SOX5: variants seen among roughly 807,000 people sequenced by gnomAD.
SOX5 encodes the protein SRY-box transcription factor 5, also known as transcription factor SOX-5.
Under a neutral mutation model 92.0 loss-of-function variants are expected in SOX5, and 9 were observed. That is an observed-to-expected ratio of 0.10 (90% CI 0.06 to 0.17). SOX5 has a LOEUF of 0.17. SOX5 is among the 10% of genes least tolerant of loss of function. The pLI, the probability that SOX5 is intolerant of heterozygous loss-of-function variation, is 1.00. For synonymous variants in SOX5, 344 were observed against 336.3 expected, an observed-to-expected ratio of 1.02 and a Z score of -0.25; for missense variants, 642 against 944.5, an observed-to-expected ratio of 0.68 and a Z score of 4.20.
intron 4 of SOX5, among the ~76,000 whole-genome samples, chr12:24,067,000 C>T (rs1940859123): frequency 6.6e-6 from 1 of 152,136 alleles, no homozygotes; most frequent in South Asian, 2.1e-4. Flanking sequence ...CCTTTCAATC[C>T]TCTGTTCCAA....
chr12:23,936,194 A>G (rs927916919), intron 1 of SOX5, among the ~76,000 whole-genome samples: 2 of 150,986 alleles, frequency 1.3e-5, no homozygotes, highest in African/African-American at 4.8e-5. Context: ...TTGTGGGTCA[A>G]TTTAAGAAAC....
chr12:23,717,527 C>T (rs910074100), intron 6 of SOX5, among the ~76,000 whole-genome samples: 2 of 152,158 alleles, frequency 1.3e-5, no homozygotes, highest in Non-Finnish European at 2.9e-5. Context: ...TTCTCACCAT[C>T]ATGTTTATTA....
At chr12:23,700,796 GAAC>G (rs980381665) in intron 6 of SOX5, among the ~76,000 whole-genome samples, 2 of 152,040 alleles carry the variant, frequency 1.3e-5, no homozygotes, top group African/African-American at 4.8e-5. Flanking sequence ...AGAAGACAGA[GAAC>G]AGCCCAAATG....
At chr12:24,264,232 T>C (rs1168954277) in intron 3 of SOX5, among the ~76,000 whole-genome samples, 1 of 152,224 alleles carries the variant, frequency 6.6e-6, no homozygotes, top group Non-Finnish European at 1.5e-5. Flanking sequence ...GATAGATATC[T>C]TGGTATTTGC....
At chr12:24,131,733 A>C (rs1949664565) in intron 4 of SOX5, among the ~76,000 whole-genome samples, 1 of 152,228 alleles carries the variant, frequency 6.6e-6, no homozygotes, top group Admixed American at 6.5e-5. Flanking sequence ...AATGGCACAC[A>C]GAATAAATTC....
intron 4 of SOX5, among the ~76,000 whole-genome samples, chr12:24,123,759 C>T (rs1948844089): frequency 6.6e-6 from 1 of 152,158 alleles, no homozygotes; most frequent in African/African-American, 2.4e-5. Context: ...TATTCCAAAA[C>T]AGAGAAACAG....
intron 3 of SOX5, among the ~76,000 whole-genome samples, chr12:23,785,777 G>C (rs1438302711): frequency 6.6e-6 from 1 of 152,108 alleles, no homozygotes; most frequent in African/African-American, 2.4e-5. Context: ...CATTGGGGAT[G>C]CTTCTTGATG....
At chr12:23,856,560 T>C (rs1358211352) in intron 2 of SOX5, among the ~76,000 whole-genome samples, 6 of 152,106 alleles carry the variant, frequency 3.9e-5, no homozygotes, top group Non-Finnish European at 5.9e-5. Context: ...AAATGGTAAA[T>C]TGGAGAATTA....
At chr12:23,601,501 C>T (rs146975306) in intron 9 of SOX5, among the ~76,000 whole-genome samples, 2 of 151,946 alleles carry the variant, frequency 1.3e-5, no homozygotes, top group South Asian at 2.1e-4. Context: ...AACACAAAAC[C>T]CTTTAATAAA....
chr12:23,837,949 A>G (rs1267467523), intron 3 of SOX5, among the ~76,000 whole-genome samples: 1 of 121,356 alleles, frequency 8.2e-6, no homozygotes, highest in Non-Finnish European at 1.6e-5. Context: ...ATTTATATTT[A>G]TATAGTATAT....
chr12:23,727,463 A>G (rs901952255), intron 6 of SOX5, among the ~76,000 whole-genome samples: 3 of 152,152 alleles, frequency 2.0e-5, no homozygotes, highest in Non-Finnish European at 2.9e-5. Flanking sequence ...GACCAATAAC[A>G]TAAGGAGAAA....
intron 9 of SOX5, among the ~76,000 whole-genome samples, chr12:23,583,254 TCTTA>T (rs1408209801): frequency 3.3e-5 from 5 of 152,112 alleles, no homozygotes; most frequent in Non-Finnish European, 5.9e-5. Context: ...CTCTATCTAA[TCTTA>T]CTTTTTATTT....
chr12:24,472,618 ACT>A (rs1944931952), intron 1 of SOX5, among the ~76,000 whole-genome samples: 1 of 151,936 alleles, frequency 6.6e-6, no homozygotes, highest in African/African-American at 2.4e-5. Flanking sequence ...GGGTCCATAG[ACT>A]CTATTTTGAT....
intron 12 of SOX5, among the ~76,000 whole-genome samples, chr12:23,545,300 G>A (rs927118148): frequency 6.6e-6 from 1 of 152,146 alleles, no homozygotes; most frequent in African/African-American, 2.4e-5. Flanking sequence ...CAAAGTTGAG[G>A]GCGGTACTGC....
chr12:24,492,433 TC>T (rs1474972792), intron 1 of SOX5, among the ~76,000 whole-genome samples: 1 of 152,186 alleles, frequency 6.6e-6, no homozygotes, highest in East Asian at 1.9e-4. Flanking sequence ...GATACTTCTA[TC>T]TTGGGAAGTT....
At chr12:24,476,415 G>T (rs1945385814) in intron 1 of SOX5, among the ~76,000 whole-genome samples, 1 of 152,144 alleles carries the variant, frequency 6.6e-6, no homozygotes, top group Non-Finnish European at 1.5e-5. Flanking sequence ...CTGCTCCAGA[G>T]AACTCAACTA....
At chr12:24,387,874 T>C (rs1780429753) in intron 1 of SOX5, among the ~76,000 whole-genome samples, 1 of 152,132 alleles carries the variant, frequency 6.6e-6, no homozygotes, top group African/African-American at 2.4e-5. Flanking sequence ...TCACATGGGG[T>C]TGAATCCCAA....
At position 23,530,054 on chromosome 12, in the gene SOX5, T is replaced by C. The variant is rs1311065548; in HGVS notation, c.*4165A>G. The C allele has an allele frequency of 6.6e-6, 1 of 152,214 alleles. No individual in the cohort carries two copies. The highest frequency in any genetic ancestry group is 1.5e-5 in the Non-Finnish European group (1 of 68,034). 9.4% of individuals were successfully genotyped at this position (152,214 alleles called of 1,614,324 possible). A position where few individuals can be genotyped will look rare whatever the true frequency, so the allele number is the denominator to read the frequency against. Reference sequence around the variant, plus strand: ...ACCTGGGAAGTTGATAGTTATAGGATACTTTAAAATTAAATACTGTAAAAG... The same window carrying C: ...ACCTGGGAAGTTGATAGTTATAGGACACTTTAAAATTAAATACTGTAAAAG... On this transcript the variant is annotated 3_prime_UTR_variant, in exon 15 of 15. Coordinates refer to ENST00000451604, the MANE Select transcript of SOX5 (RefSeq NM_006940.6).
rs139419504 is a variant in SOX5, at chr12:24,509,804, G to A, written c.-251+52525C>T. Among the ~76,000 whole-genome samples the A allele has an allele frequency of 6.8e-4, 104 of 152,270 alleles. 1 individual carries two copies. Among genetic ancestry groups the A allele is most frequent in the Non-Finnish European group, 1.5e-4 (10 of 68,022 alleles). On this transcript the variant is annotated intron_variant, in intron 1 of 4. Transcript: ENST00000446891. ...GAAAATTAGTTTATATTACTCCAGCGAATCGGTTGCTTACTTTTGGTCTCA... is the reference window on the plus strand; with the variant it reads ...GAAAATTAGTTTATATTACTCCAGCAAATCGGTTGCTTACTTTTGGTCTCA...
Sources: gnomAD v4.1 joint callset for allele counts (sites outside exome capture counted in the v4.1 genomes callset) on GRCh38, gnomAD v4.1.1 for gene constraint, MANE v1.5 for transcripts, NCBI Gene and HGNC (gene_info 2026-07-23, HGNC 2026-07-21) for gene names.